Variants in ELN observed in about 807,000 individuals in gnomAD.
The protein encoded by ELN is elastin, also known as tropoelastin.
Under a neutral mutation model 105.8 loss-of-function variants are expected in ELN, and 65 were observed. That is an observed-to-expected ratio of 0.61 (90% CI 0.50 to 0.75). ELN has a LOEUF of 0.75. ELN is among the 30% of genes least tolerant of loss of function. The pLI, the probability that ELN is intolerant of heterozygous loss-of-function variation, is 0.00. For missense variants in ELN, 882 were observed against 969.4 expected (o/e 0.91, Z 1.20); for synonymous variants, 368 against 389.2 (o/e 0.95, Z 0.64).
intron 18 of ELN, among the ~76,000 whole-genome samples, chr7:74,054,275 CT>C: frequency 6.6e-6 from 1 of 152,138 alleles, no homozygotes; most frequent in Non-Finnish European, 1.5e-5. Context: ...CGAGACCAGC[CT>C]GGCCAATATG....
chr7:74,046,313 C>T (rs1792511711), intron 11 of ELN, 96 bp downstream of exon 11: 2 of 1,546,664 alleles, frequency 1.3e-6, no homozygotes, highest in Admixed American at 1.7e-5. Flanking sequence ...CCAAGCCTGC[C>T]CAATTTCTCC....
chr7:74,047,579 GCTTTAGCA>G, intron 12 of ELN, 88 bp from the exon 13 acceptor site: 1 of 1,563,828 alleles, frequency 6.4e-7, no homozygotes, highest in South Asian at 1.1e-5. Context: ...GAGGTCTCAA[GCTTTAGCA>G]CCTGTGGGGG....
At chr7:74,056,589 C>T (rs1795281273) in intron 20 of ELN, 83 bp from the exon 21 acceptor site, 1 of 1,608,744 alleles carries the variant, frequency 6.2e-7, no homozygotes, top group Middle Eastern at 1.7e-4. Flanking sequence ...CCATGCCTTA[C>T]AGGGCAGAAG....
At chr7:74,051,020 T>C (rs1793912181) in intron 15 of ELN, among the ~76,000 whole-genome samples, 1 of 152,234 alleles carries the variant, frequency 6.6e-6, no homozygotes, top group South Asian at 2.1e-4. Context: ...GTTAACTCAC[T>C]GCTCAGGTCA....
At chr7:74,060,320 C>A in intron 24 of ELN, 56 bp from the exon 25 acceptor site, 3 of 1,614,128 alleles carry the variant, frequency 1.9e-6, no homozygotes, top group South Asian at 1.1e-5. Context: ...GGGCAGGACA[C>A]CTCCTTAGGG....
intron 21 of ELN, chr7:74,057,313 C>T (rs1795465779): frequency 7.8e-7 from 1 of 1,282,862 alleles, no homozygotes; most frequent in Non-Finnish European, 1.0e-6. Flanking sequence ...CCGATTCTCC[C>T]ACCCACCCTT....
rs782107951 is a variant in ELN, at chr7:74,067,933, CAAAAAAAAAAAAAA to C, written c.2132-710_2132-697del. ...ATGACAGGGCAAGACGATTGCGTCT[CAAAAAAAAAAAAAA>C]AAAAAAAAAAAAACCTTCAGAGGCA... On this transcript the variant is annotated intron_variant, in intron 32 of 32. Transcript: ENST00000252034. 2.5e-4 allele frequency among the ~76,000 whole-genome samples: 5 copies of C among 19,904 alleles called. 1 individual carries two copies. In the South Asian group the frequency reaches 0.01, roughly 41 times the overall value. The allele number at this position is 19,904 out of a possible 152,430, so 13.1% of individuals were successfully genotyped here.
Position 74,054,347 on chromosome 7 carries a change from G to A in ELN, c.1097-369G>A, listed in dbSNP as rs56350112. Among the ~76,000 whole-genome samples, 663 of 152,226 alleles carry A rather than the reference G, an allele frequency of 4.4e-3. 5 individuals are homozygous for A. The highest frequency in any genetic ancestry group is 0.015 in the African/African-American group (623 of 41,532). ...TAGCCAGGCATGGTGGTGGGTGCCT[G>A]TAATCCTAGCTACTTGGGAGGCTGA... On this transcript the variant is annotated intron_variant, in intron 18 of 32. Transcript: ENST00000252034.
At position 74,056,364 on chromosome 7, in the gene ELN, C is replaced by G; in HGVS notation, c.1244C>G (p.Pro415Arg). ...TTTGGTGTCGGAGTCGGAGGTATCC[C>G]TGGAGTCGCAGGTGTCCCTGGTGTC... ...PGFGVGVGGIPGVAGVPGVGG... is the reference protein window; with the variant it reads ...PGFGVGVGGIRGVAGVPGVGG... Residue 415 changes from proline to arginine, a missense_variant, in exon 20 of 33, where the codon CCT becomes CGT. Transcript: ENST00000252034. The G allele has an allele frequency of 6.2e-7, 1 of 1,613,576 alleles. No individual in the cohort carries two copies.
chr7:74,064,867 G>T (rs1248196382), intron 29 of ELN, among the ~76,000 whole-genome samples: 1 of 152,234 alleles, frequency 6.6e-6, no homozygotes, highest in African/African-American at 2.4e-5. Flanking sequence ...GGCTGTCATT[G>T]TGTCTCCCCC....
Position 74,068,680 on chromosome 7 carries a change from T to C in ELN, c.2155T>C (p.Cys719Arg), listed in dbSNP as rs1378059307. Residue 719 changes from cysteine to arginine, a missense_variant, in exon 33 of 33, where the codon TGT (cysteine) becomes CGT (arginine). Cys to Arg is a radical substitution (Grantham distance 180, BLOSUM62 -3). Coordinates refer to ENST00000252034, the MANE Select transcript of ELN (RefSeq NM_000501.4). ...AGGTGGGGCCTGCCTGGGGAAAGCT[T>C]GTGGCCGGAAGAGAAAATGAGCTTC... Reference protein sequence around the residue: ...FPGGACLGKACGRKRK With the variant: ...FPGGACLGKARGRKRK 6.2e-7 allele frequency: 1 copy of C among 1,613,934 alleles called. No homozygotes were observed. The highest frequency in any genetic ancestry group is 1.7e-5 in the Admixed American group (1 of 59,980).
At chr7:74,059,847 C>G (rs782250573) in intron 22 of ELN, 39 bp from the exon 23 acceptor site, 2 of 938,654 alleles carry the variant, frequency 2.1e-6, no homozygotes, top group African/African-American at 3.2e-5. Flanking sequence ...CCTCTTTGAT[C>G]AGGTCTTGGT....
intron 25 of ELN, among the ~76,000 whole-genome samples, 156 bp from the exon 26 acceptor site, chr7:74,060,945 C>G (rs1375147780): frequency 6.6e-6 from 1 of 152,162 alleles, no homozygotes; most frequent in East Asian, 1.9e-4. Flanking sequence ...GGTGGAGGCA[C>G]TGTTCAGCCC....
At chr7:74,038,072 T>C in intron 4 of ELN, 1 of 385,846 alleles carries the variant, frequency 2.6e-6, no homozygotes. Flanking sequence ...ACATCAGGGA[T>C]TGCTCCGGTT....
chr7:74,046,955 A>G (rs1792709130), intron 12 of ELN, among the ~76,000 whole-genome samples, 188 bp downstream of exon 12: 1 of 152,176 alleles, frequency 6.6e-6, no homozygotes, highest in African/African-American at 2.4e-5. Context: ...GTGGTGGCAT[A>G]GGCCTATAAT....
intron 26 of ELN, among the ~76,000 whole-genome samples, 178 bp from the exon 27 acceptor site, chr7:74,062,975 G>A (rs377239597): frequency 7.2e-5 from 11 of 152,202 alleles, no homozygotes; most frequent in East Asian, 5.8e-4. Flanking sequence ...CACTCCAGCC[G>A]GGGTGACAGA....
chr7:74,056,898 A>G (rs1322599695), intron 21 of ELN, among the ~76,000 whole-genome samples, 185 bp downstream of exon 21: 1 of 152,102 alleles, frequency 6.6e-6, no homozygotes, highest in Non-Finnish European at 1.5e-5. Context: ...GCCCCCTGTT[A>G]GGACTGTTGG....
In ELN at chr7:74,053,165, G is replaced by T. The variant is rs782754108; in HGVS notation, c.952G>T (p.Ala318Ser). ...GAACAATGCTTTTTCTTCCACAGGAGCTGCTGCAGGCTTAGTGCCTGGTGG... is the reference window on the plus strand; with the variant it reads ...GAACAATGCTTTTTCTTCCACAGGATCTGCTGCAGGCTTAGTGCCTGGTGG... ...AAAAKAAKYG[A>S]AAGLVPGGPG... The change falls in exon 18 of 33, where the codon GCT (alanine) becomes TCT (serine). Residue 318 changes from alanine to serine, a missense_variant and splice_region_variant. Ala to Ser is a moderately conservative substitution (Grantham distance 99). Coordinates refer to ENST00000252034, the MANE Select transcript of ELN (RefSeq NM_000501.4). The T allele has an allele frequency of 1.2e-6, 2 of 1,614,170 alleles. No homozygotes were observed. Among genetic ancestry groups the T allele is most frequent in the Admixed American group, 1.7e-5 (1 of 60,028 alleles).
rs41376344 is a variant in ELN, at chr7:74,051,965, G to A, written c.931G>A (p.Ala311Thr). 5.7e-4 allele frequency: 924 copies of A among 1,613,572 alleles called. 7 individuals carry two copies. In the East Asian group the frequency reaches 0.017, roughly 29 times the overall value. ...PAAAAAAAAA[A>T]KAAKYGAAAG... The stretch of plus-strand genomic sequence containing the variant: ...TGCAGCTGCAGCTGCAGCAGCAGCC[G>A]CTAAGGCAGCCAAGTATGGTGAGTG... Residue 311 changes from alanine (A) to threonine (T), a missense_variant, in exon 17 of 33, where the codon GCT (alanine) becomes ACT (threonine). Coordinates refer to ENST00000252034, the MANE Select transcript of ELN (RefSeq NM_000501.4).
Sources: allele counts gnomAD v4.1 joint callset (sites outside exome capture counted in the v4.1 genomes callset), GRCh38; gene constraint gnomAD v4.1.1; transcripts MANE v1.5; gene names NCBI Gene and HGNC (gene_info 2026-07-23, HGNC 2026-07-21).